Variants in CMPK2 observed in about 807,000 individuals in gnomAD.
CMPK2 encodes cytidine/uridine monophosphate kinase 2.
CMPK2 carries 32 observed loss-of-function variants against 33.4 expected under a neutral mutation model. That is an observed-to-expected ratio of 0.96 (90% CI 0.72 to 1.29). The LOEUF (loss-of-function observed/expected upper bound fraction) is 1.29, where lower values mean the gene tolerates loss of function less well. CMPK2 is among the 50% of genes most tolerant of loss of function. The pLI is 0.00. For synonymous variants in CMPK2, 299 were observed against 275.3 expected (o/e 1.09, Z -0.85); for missense variants, 672 against 616.0 (o/e 1.09, Z -0.96).
chr2:6,851,688 G>C lies in CMPK2; in HGVS notation c.993-5C>G. The C allele has an allele frequency of 6.2e-7, 1 of 1,613,770 alleles. No homozygotes were observed. On this transcript the variant is annotated splice_polypyrimidine_tract_variant and splice_region_variant and intron_variant, in intron 3 of 4. Transcript: ENST00000256722. ...GTGGCCGTGCTGTGCCAGTACCTGA[G>C]AAGGAATGGGGTAGTGAGTTCTCTG...
At position 6,861,205 on chromosome 2, in the gene CMPK2, T is replaced by G. The variant is rs751325701; in HGVS notation, c.971A>C (p.Lys324Thr). ...VASEIAKESA[K>T]SPVIVDRYWH... ...CTACCTGTCTACAATCACAGGAGATTTGGCAGATTCTTTAGCTATTTCGGA... is the reference window on the plus strand; with the variant it reads ...CTACCTGTCTACAATCACAGGAGATGTGGCAGATTCTTTAGCTATTTCGGA... The change falls in exon 3 of 5, where the codon AAA (lysine) becomes ACA (threonine). Residue 324 changes from lysine (K) to threonine (T), a missense_variant. Lys to Thr is a moderately conservative substitution (Grantham distance 78). Transcript: ENST00000256722. The G allele has an allele frequency of 1.2e-6, 2 of 1,613,960 alleles. No homozygotes were observed. Among genetic ancestry groups the G allele is most frequent in the African/African-American group, 1.3e-5 (1 of 74,884 alleles).
chr2:6,860,313 T>C (rs1056508222), intron 3 of CMPK2, among the ~76,000 whole-genome samples: 3 of 152,126 alleles, frequency 2.0e-5, no homozygotes, highest in African/African-American at 7.2e-5. Context: ...TGGTAAGGCA[T>C]GATTGGTTTT....
At chr2:6,851,823 A>C (rs1245208542) in intron 3 of CMPK2, 140 bp from the exon 4 acceptor site, 1 of 650,366 alleles carries the variant, frequency 1.5e-6, no homozygotes, top group Admixed American at 3.0e-5. Flanking sequence ...ATAAAATTAA[A>C]TTTTATAAAC....
At position 6,859,456 on chromosome 2, in the gene CMPK2, T is replaced by G. The variant is rs565036572; in HGVS notation, c.992+1728A>C. Among the ~76,000 whole-genome samples, 15 of 152,034 alleles carry G rather than the reference T, an allele frequency of 9.9e-5. No individual in the cohort carries two copies. In the East Asian group the frequency reaches 2.9e-3, roughly 29 times the overall value. On this transcript the variant is annotated intron_variant, in intron 3 of 4. Coordinates refer to ENST00000256722, the MANE Select transcript of CMPK2 (RefSeq NM_207315.4). ...ACCCCGAGGTTTAGAAGGAAAAAAA[T>G]GGTTTTGTGGACCCAGGGTCCCTCT...
At chr2:6,841,425 T>C (rs918913922) in intron 3 of CMPK2, among the ~76,000 whole-genome samples, 2 of 152,204 alleles carry the variant, frequency 1.3e-5, no homozygotes, top group African/African-American at 2.4e-5. Flanking sequence ...TTATAAGCAT[T>C]AACAATTTGT....
chr2:6,855,830 G>A (rs1472001680), intron 3 of CMPK2, among the ~76,000 whole-genome samples: 1 of 152,080 alleles, frequency 6.6e-6, no homozygotes, highest in African/African-American at 2.4e-5. Context: ...TACAGTCAGG[G>A]TGGTCTCTTG....
At chr2:6,857,792 C>T (rs770891512) in intron 3 of CMPK2, among the ~76,000 whole-genome samples, 1 of 151,980 alleles carries the variant, frequency 6.6e-6, no homozygotes, top group Non-Finnish European at 1.5e-5. Flanking sequence ...CCCACCACCT[C>T]GCCCGGCTAA....
At chr2:6,853,082 TG>T (rs1662572878) in intron 3 of CMPK2, among the ~76,000 whole-genome samples, 1 of 152,186 alleles carries the variant, frequency 6.6e-6, no homozygotes, top group Non-Finnish European at 1.5e-5. Flanking sequence ...CCCAAGTAGC[TG>T]GGATTACAGG....
intron 4 of CMPK2, among the ~76,000 whole-genome samples, chr2:6,850,188 C>T (rs1056632051): frequency 6.6e-6 from 1 of 152,114 alleles, no homozygotes; most frequent in Non-Finnish European, 1.5e-5. Context: ...TGTTGAATAC[C>T]TGTTTTCTGC....
At chr2:6,840,754 C>A in intron 3 of CMPK2, 5 of 686,090 alleles carry the variant, frequency 7.3e-6, no homozygotes, top group Non-Finnish European at 1.3e-5. Context: ...GGCCCTAGTT[C>A]TTGGGGTTGG....
At chr2:6,841,087 T>C (rs1662218908) in intron 3 of CMPK2, among the ~76,000 whole-genome samples, 2 of 152,284 alleles carry the variant, frequency 1.3e-5, no homozygotes, top group South Asian at 4.2e-4. Context: ...GATGGTATTG[T>C]ATGCTCAGTG....
chr2:6,843,000 G>T (rs1662269192), intron 3 of CMPK2, among the ~76,000 whole-genome samples: 1 of 152,176 alleles, frequency 6.6e-6, no homozygotes, highest in African/African-American at 2.4e-5. Flanking sequence ...TTTTGAGAAA[G>T]TCCCTCAGTT....
At position 6,851,510 on chromosome 2, in the gene CMPK2, C is replaced by A. The variant is rs762036620; in HGVS notation, c.1166G>T (p.Arg389Leu). 1 of 1,614,210 alleles carries A rather than the reference C, an allele frequency of 6.2e-7. No individual in the cohort carries two copies. The highest frequency in any genetic ancestry group is 1.7e-5 in the Admixed American group (1 of 60,026). ...PEERLQRLQG[R>L]GMEKTREEAE... is the part of the protein sequence containing the mutation. ...TTCTTCCCTGGTCTTCTCCATGCCC[C>A]GGCCCTGCAGCCTCTGCAACCTCTC... Residue 389 changes from arginine to leucine, a missense_variant, in exon 4 of 5, where the codon CGG (arginine) becomes CTG (leucine). Coordinates refer to ENST00000256722, the MANE Select transcript of CMPK2 (RefSeq NM_207315.4).
intron 3 of CMPK2, among the ~76,000 whole-genome samples, chr2:6,853,830 A>C (rs1198029274): frequency 6.6e-6 from 1 of 152,044 alleles, no homozygotes; most frequent in Admixed American, 6.5e-5. Context: ...TGAACCCGGA[A>C]GGCAGAGCTT....
At chr2:6,866,382 GCACT>G (rs922188636), upstream of CMPK2, 33 of 930,486 alleles carry the variant, frequency 3.5e-5, no homozygotes, top group East Asian at 2.2e-3. Context: ...TCTCACCTGT[GCACT>G]CACTCACCTG....
In CMPK2 at chr2:6,865,879, TC is replaced by T; in HGVS notation, c.-184del. ...AGGAGCCCTGGGGCTGGGGCGCCCTTCCGGCCTCTCCTCCTCGCCGCGAGAT... is the reference window on the plus strand; with the variant it reads ...AGGAGCCCTGGGGCTGGGGCGCCCTTCGGCCTCTCCTCCTCGCCGCGAGAT... On this transcript the variant is annotated 5_prime_UTR_variant, in exon 1 of 5. Transcript: ENST00000256722. 7.2e-7 allele frequency: 1 copy of T among 1,390,984 alleles called. No homozygotes were observed. Among genetic ancestry groups the T allele is most frequent in the Non-Finnish European group, 9.3e-7 (1 of 1,074,008 alleles). The allele number at this position is 1,390,984 out of a possible 1,614,324, so 86.2% of individuals were successfully genotyped here.
intron 3 of CMPK2, among the ~76,000 whole-genome samples, chr2:6,858,832 G>T (rs993734269): frequency 2.6e-5 from 4 of 152,234 alleles, no homozygotes; most frequent in African/African-American, 9.6e-5. Context: ...GGGTGCTGCT[G>T]AAAAGATACC....
chr2:6,858,217 T>G (rs552976643), intron 3 of CMPK2, among the ~76,000 whole-genome samples: 14 of 152,316 alleles, frequency 9.2e-5, no homozygotes, highest in African/African-American at 3.1e-4. Context: ...TTGCCTTTTT[T>G]TTTTTTAAAT....
chr2:6,846,258 T>C (rs866813320), downstream of CMPK2, among the ~76,000 whole-genome samples: 22 of 152,188 alleles, frequency 1.4e-4, 1 homozygote, highest in Admixed American at 3.3e-4. Context: ...AAGAACTGTT[T>C]AAATTCACTG....
Sources: allele counts gnomAD v4.1 joint callset (sites outside exome capture counted in the v4.1 genomes callset), GRCh38; gene constraint gnomAD v4.1.1; transcripts MANE v1.5; gene names NCBI Gene and HGNC (gene_info 2026-07-23, HGNC 2026-07-21).